Variants in CNBD1 observed in about 807,000 individuals in gnomAD.
The protein encoded by CNBD1 is cyclic nucleotide binding domain containing 1.
Under a neutral mutation model 54.4 loss-of-function variants are expected in CNBD1, and 71 were observed. That is an observed-to-expected ratio of 1.30 (90% confidence interval 1.08 to 1.59). The LOEUF is 1.59. Ranked by LOEUF, CNBD1 falls within the 40% of genes most tolerant of loss-of-function variation. The pLI, the probability that CNBD1 is intolerant of heterozygous loss-of-function variation, is 0.00. For synonymous variants in CNBD1, 182 were observed against 170.7 expected, an observed-to-expected ratio of 1.07 and a Z score of -0.51; for missense variants, 659 against 518.0, an observed-to-expected ratio of 1.27 and a Z score of -2.64.
chr8:87,194,805 G>A (rs17703223), intron 4 of CNBD1, among the ~76,000 whole-genome samples: 3,452 of 151,688 alleles, frequency 0.023, 51 homozygotes, highest in Non-Finnish European at 0.034. Flanking sequence ...TGTGTGTTTT[G>A]TGTGCATATG....
intron 8 of CNBD1, among the ~76,000 whole-genome samples, chr8:87,332,333 G>T (rs368751206): frequency 6.7e-6 from 1 of 148,512 alleles, no homozygotes; most frequent in African/African-American, 2.5e-5. Context: ...GTGGGACAGA[G>T]GGAAACTCTG....
intron 4 of CNBD1, among the ~76,000 whole-genome samples, chr8:87,143,608 CTTAT>C (rs1812420542): frequency 6.6e-6 from 1 of 152,186 alleles, no homozygotes; most frequent in South Asian, 2.1e-4. Context: ...GATGAATATA[CTTAT>C]TTGTCTTATA....
At chr8:87,330,918 T>G (rs1047266063) in intron 8 of CNBD1, among the ~76,000 whole-genome samples, 5 of 152,188 alleles carry the variant, frequency 3.3e-5, no homozygotes, top group Admixed American at 1.3e-4. Flanking sequence ...AGCCAACATA[T>G]AGTTGGGTCT....
intron 2 of CNBD1, among the ~76,000 whole-genome samples, chr8:87,402,107 T>G (rs1384461600): frequency 6.6e-6 from 1 of 152,004 alleles, no homozygotes; most frequent in Non-Finnish European, 1.5e-5. Context: ...TGAAGGCACA[T>G]CTTACATGGT....
intron 8 of CNBD1, among the ~76,000 whole-genome samples, chr8:87,300,382 A>G (rs1808964589): frequency 6.6e-6 from 1 of 152,182 alleles, no homozygotes; most frequent in Admixed American, 6.5e-5. Flanking sequence ...GAGAGTCACC[A>G]GAACGAGTAC....
At chr8:86,928,685 C>T (rs1424431157) in intron 3 of CNBD1, among the ~76,000 whole-genome samples, 1 of 152,204 alleles carries the variant, frequency 6.6e-6, no homozygotes, top group African/African-American at 2.4e-5. Context: ...AGTCTCACTG[C>T]CAGTTGTCTC....
intron 4 of CNBD1, among the ~76,000 whole-genome samples, chr8:87,001,210 T>C (rs1294557775): frequency 6.6e-6 from 1 of 152,088 alleles, no homozygotes; most frequent in Non-Finnish European, 1.5e-5. Flanking sequence ...GAGATGCTGA[T>C]TAGGTGATTA....
At chr8:86,948,964 C>T (rs1186503925) in intron 4 of CNBD1, among the ~76,000 whole-genome samples, 2 of 152,106 alleles carry the variant, frequency 1.3e-5, no homozygotes, top group Admixed American at 6.6e-5. Flanking sequence ...AGTTGTTCTG[C>T]ATGTGAATAT....
intron 4 of CNBD1, among the ~76,000 whole-genome samples, chr8:87,039,734 C>A (rs1193613849): frequency 6.6e-6 from 1 of 152,126 alleles, no homozygotes; most frequent in African/African-American, 2.4e-5. Context: ...TGGGGATTGA[C>A]ATTTTTAAGG....
chr8:86,967,430 G>C (rs192929970), intron 4 of CNBD1, among the ~76,000 whole-genome samples: 150 of 152,344 alleles, frequency 9.8e-4, no homozygotes, highest in African/African-American at 3.3e-3. Context: ...GTGCAACCCG[G>C]GAGCTCTGGT....
chr8:87,324,145 G>T (rs1263440222), intron 8 of CNBD1, among the ~76,000 whole-genome samples: 1 of 124,544 alleles, frequency 8.0e-6, no homozygotes, highest in Non-Finnish European at 1.8e-5. Flanking sequence ...GCATCCCAGG[G>T]ATGAAGCCCA....
intron 4 of CNBD1, among the ~76,000 whole-genome samples, chr8:87,144,955 AGTGG>A (rs1812452658): frequency 6.6e-6 from 1 of 152,146 alleles, no homozygotes; most frequent in African/African-American, 2.4e-5. Flanking sequence ...AATATAAAAG[AGTGG>A]TTAAGAAATA....
intron 1 of CNBD1, among the ~76,000 whole-genome samples, chr8:86,876,560 T>A (rs1027329222): frequency 6.6e-6 from 1 of 151,808 alleles, no homozygotes. Context: ...AATTTATTCA[T>A]TGCTTTTCTT....
At chr8:87,126,462 C>T (rs114584394) in intron 4 of CNBD1, among the ~76,000 whole-genome samples, 71 of 151,992 alleles carry the variant, frequency 4.7e-4, no homozygotes, top group African/African-American at 1.6e-3. Flanking sequence ...AAATCTTTGT[C>T]GGTTCAAATC....
intron 8 of CNBD1, among the ~76,000 whole-genome samples, chr8:87,295,347 G>A (rs1808859212): frequency 6.6e-6 from 1 of 151,786 alleles, no homozygotes; most frequent in Middle Eastern, 3.5e-3. Context: ...TCAGAATTTA[G>A]CCTTCTGATT....
At chr8:87,256,012 T>TATATAC (rs1808013895) in intron 6 of CNBD1, among the ~76,000 whole-genome samples, 2 of 19,830 alleles carry the variant, frequency 1.0e-4, no homozygotes, top group African/African-American at 2.7e-4. Context: ...TATATATATA[T>TATATAC]ATATTTTTTT....
chr8:87,330,069 GAGTTTTTAATCTAGGCTTTTAATCT>G (rs1809788286), intron 8 of CNBD1, among the ~76,000 whole-genome samples: 1 of 151,838 alleles, frequency 6.6e-6, no homozygotes, highest in Non-Finnish European at 1.5e-5. Flanking sequence ...GGTCTACTGA[GAGTTTTTAATCTAGGCTTTTAATCT>G]AGTTTTTAAT....
chr8:87,334,586 A>C (rs1680876256), intron 8 of CNBD1, among the ~76,000 whole-genome samples: 1 of 150,948 alleles, frequency 6.6e-6, no homozygotes, highest in Non-Finnish European at 1.5e-5. Flanking sequence ...TTCTGTTTTT[A>C]TTTGTTTCAA....
At chr8:87,172,312 T>G (rs1310438607) in intron 4 of CNBD1, among the ~76,000 whole-genome samples, 2 of 152,268 alleles carry the variant, frequency 1.3e-5, no homozygotes, top group East Asian at 1.9e-4. Context: ...TCAAGAATAA[T>G]CCATATCTTG....
Sources: allele counts gnomAD v4.1 joint callset (sites outside exome capture counted in the v4.1 genomes callset), GRCh38; gene constraint gnomAD v4.1.1; transcripts MANE v1.5; gene names NCBI Gene and HGNC (gene_info 2026-07-23, HGNC 2026-07-21).